Variants in CDH4 observed in about 807,000 individuals in gnomAD.
CDH4 encodes cadherin-4.
CDH4 carries 33 observed loss-of-function variants against 86.0 expected under a neutral mutation model. That is an observed-to-expected ratio of 0.38 (90% CI 0.29 to 0.51). CDH4 has a LOEUF of 0.51. CDH4 is among the 20% of genes least tolerant of loss of function. The pLI is 0.86. For missense variants in CDH4, 1,114 were observed against 1,307.4 expected (o/e 0.85, Z 2.28); for synonymous variants, 555 against 549.4 (o/e 1.01, Z -0.14).
chr20:61,763,508 C>T (rs2088662642), intron 3 of CDH4, among the ~76,000 whole-genome samples: 1 of 152,240 alleles, frequency 6.6e-6, no homozygotes, highest in South Asian at 2.1e-4. Flanking sequence ...AGCTCGTCCA[C>T]CCTGCAGAGA....
intron 2 of CDH4, among the ~76,000 whole-genome samples, chr20:61,664,344 A>G (rs1354855018): frequency 1.3e-5 from 2 of 152,178 alleles, no homozygotes. Flanking sequence ...AGTCAAAAGC[A>G]GGATGGGAAG....
At chr20:61,705,328 G>C (rs1203141472) in intron 2 of CDH4, among the ~76,000 whole-genome samples, 3 of 152,224 alleles carry the variant, frequency 2.0e-5, no homozygotes, top group African/African-American at 7.2e-5. Flanking sequence ...CGGGGGAGAT[G>C]GTGTACAACA....
At position 61,807,590 on chromosome 20, in the gene CDH4, G is replaced by T. The variant is rs74744767; in HGVS notation, c.576+34408G>T. Among the ~76,000 whole-genome samples the T allele has an allele frequency of 2.0e-5, 3 of 152,182 alleles. No individual in the cohort carries two copies. The highest frequency in any genetic ancestry group is 6.5e-5 in the Admixed American group (1 of 15,290). On this transcript the variant is annotated intron_variant, in intron 4 of 15. Transcript: ENST00000614565. This position sits in a 1 kb window ranked among gnomAD's most constrained non-coding sequence, Gnocchi z 4.5. ...GAGTGTGACCAAGGGCAGGTGTTCC[G>T]TGCAGGGCTGGTTGGTGTGAGGCCA...
chr20:61,413,029 C>A (rs998736689), intron 2 of CDH4, among the ~76,000 whole-genome samples: 2 of 152,204 alleles, frequency 1.3e-5, no homozygotes, highest in African/African-American at 4.8e-5. Context: ...AGCCACTCCT[C>A]CTTTCCATGT....
At chr20:61,614,954 T>A (rs2086713894) in intron 2 of CDH4, among the ~76,000 whole-genome samples, 1 of 151,976 alleles carries the variant, frequency 6.6e-6, no homozygotes, top group Admixed American at 6.5e-5. Context: ...GCTGTCCAGG[T>A]TTCATGTGAA....
intron 2 of CDH4, among the ~76,000 whole-genome samples, chr20:61,526,614 C>A (rs2085912705): frequency 6.6e-6 from 1 of 150,848 alleles, no homozygotes; most frequent in Non-Finnish European, 1.5e-5. Flanking sequence ...CGTCATCTAG[C>A]ATTAGGTATA....
chr20:61,325,107 C>T (rs1442822411), intron 2 of CDH4, among the ~76,000 whole-genome samples: 1 of 151,620 alleles, frequency 6.6e-6, no homozygotes, highest in Non-Finnish European at 1.5e-5. Context: ...GGATGTGAGA[C>T]AAGATGGAAC....
intron 2 of CDH4, among the ~76,000 whole-genome samples, chr20:61,386,884 G>A (rs1023595459): frequency 6.6e-6 from 1 of 152,350 alleles, no homozygotes; most frequent in African/African-American, 2.4e-5. Flanking sequence ...GATGTTCCCC[G>A]GAGCCCGGGG....
chr20:61,840,662 C>T (rs142496542), intron 4 of CDH4, among the ~76,000 whole-genome samples: 2 of 152,174 alleles, frequency 1.3e-5, no homozygotes, highest in African/African-American at 4.8e-5. Flanking sequence ...TGTCTGTGCT[C>T]CCTATTCACG....
intron 2 of CDH4, among the ~76,000 whole-genome samples, chr20:61,411,115 T>TCC (rs2085116783): frequency 7.5e-6 from 1 of 132,808 alleles, no homozygotes; most frequent in Admixed American, 7.4e-5. Flanking sequence ...TTCATCCGTC[T>TCC]TTCCTTCCAT....
intron 2 of CDH4, among the ~76,000 whole-genome samples, chr20:61,411,434 T>G (rs1158823833): frequency 1.3e-5 from 2 of 151,422 alleles, no homozygotes; most frequent in African/African-American, 4.9e-5. Flanking sequence ...ATAATTGCCT[T>G]GGCAGAACCT....
chr20:61,680,534 A>G (rs2087500128), intron 2 of CDH4, among the ~76,000 whole-genome samples: 2 of 152,234 alleles, frequency 1.3e-5, no homozygotes, highest in Admixed American at 1.3e-4. Context: ...GGGGCTCTAA[A>G]AATGGGAAGG....
chr20:61,901,167 C>G (rs1014946801), intron 8 of CDH4, among the ~76,000 whole-genome samples: 7 of 144,890 alleles, frequency 4.8e-5, no homozygotes, highest in Middle Eastern at 6.8e-3. Context: ...AGCTAAATGA[C>G]TGGTCCTTTC....
chr20:61,808,211 G>A (rs1184415415), intron 4 of CDH4, among the ~76,000 whole-genome samples: 1 of 151,842 alleles, frequency 6.6e-6, no homozygotes, highest in Non-Finnish European at 1.5e-5. Flanking sequence ...CCCCAGCCCT[G>A]GGTTCAAAAT....
chr20:61,830,757 A>C (rs1215382812), intron 4 of CDH4, among the ~76,000 whole-genome samples: 1 of 152,158 alleles, frequency 6.6e-6, no homozygotes, highest in African/African-American at 2.4e-5. Context: ...CGCTGGCTTC[A>C]CTCCGCGGTC....
intron 4 of CDH4, among the ~76,000 whole-genome samples, chr20:61,803,444 A>G (rs1979944893): frequency 6.6e-6 from 1 of 152,228 alleles, no homozygotes. Flanking sequence ...GTTCAACTTT[A>G]TTTGGAAATA....
At chr20:61,818,854 C>T (rs1980870905) in intron 4 of CDH4, among the ~76,000 whole-genome samples, 1 of 152,052 alleles carries the variant, frequency 6.6e-6, no homozygotes, top group Non-Finnish European at 1.5e-5. Flanking sequence ...CGCCACCCCA[C>T]CCGGCAGTCC....
rs1600944461 is a variant in CDH4, at chr20:61,748,836, TAATAA to T, written c.396+5050_396+5054del. Reference sequence around the variant, plus strand: ...TCATAAAAGTCTGTAAGTAGTAACGTAATAAAAGGAAAAAATAGAATAATAAAAAT... The same window carrying T: ...TCATAAAAGTCTGTAAGTAGTAACGTAAGGAAAAAATAGAATAATAAAAAT... On this transcript the variant is annotated intron_variant, in intron 3 of 15. Coordinates refer to ENST00000614565, the MANE Select transcript of CDH4 (RefSeq NM_001794.5). Among the ~76,000 whole-genome samples the T allele has an allele frequency of 3.9e-5, 4 of 103,762 alleles. No homozygotes were observed. The East Asian group carries it at 9.2e-4, about 24-fold the overall frequency. The allele number at this position is 103,762 out of a possible 152,430, so 68.1% of individuals were successfully genotyped here.
chr20:61,513,519 C>T lies in CDH4; in HGVS notation c.170-230044C>T, dbSNP rs147830774. Among the ~76,000 whole-genome samples, 174 of 152,320 alleles carry T rather than the reference C, an allele frequency of 1.1e-3. 5 individuals are homozygous for T. In the South Asian group the frequency reaches 0.032, roughly 28 times the overall value. On this transcript the variant is annotated intron_variant, in intron 2 of 15. Coordinates refer to ENST00000614565, the MANE Select transcript of CDH4 (RefSeq NM_001794.5). ...AACCAAGGCACAGAAGGCACCAGGC[C>T]GCCATGGCGCACGGCTGTGAAGGAG...
Sources: allele counts gnomAD v4.1 joint callset (sites outside exome capture counted in the v4.1 genomes callset), GRCh38; gene constraint gnomAD v4.1.1; non-coding constraint Gnocchi (gnomAD v3.1); transcripts MANE v1.5; gene names NCBI Gene and HGNC (gene_info 2026-07-23, HGNC 2026-07-21).